Variants in ROBO1 observed in about 807,000 individuals in gnomAD.
ROBO1 encodes roundabout homolog 1.
A neutral mutation model predicts 195.9 loss-of-function variants in ROBO1; 149 were observed. That is an observed-to-expected ratio of 0.76 (90% confidence interval 0.67 to 0.87). The LOEUF (loss-of-function observed/expected upper bound fraction) is 0.87. Ranked by LOEUF, ROBO1 falls within the 40% of genes least tolerant of loss-of-function variation. The pLI, the probability that ROBO1 is intolerant of heterozygous loss-of-function variation, is 0.00. For missense variants in ROBO1, 1,933 were observed against 2,068.3 expected, an observed-to-expected ratio of 0.93 and a Z score of 1.27; for synonymous variants, 816 against 733.2, an observed-to-expected ratio of 1.11 and a Z score of -1.82.
At chr3:79,755,293 G>T (rs1423082265) in intron 1 of ROBO1, among the ~76,000 whole-genome samples, 1 of 152,042 alleles carries the variant, frequency 6.6e-6, no homozygotes, top group East Asian at 1.9e-4. Context: ...AGATAATCAA[G>T]ATCTTCTTTC....
intron 1 of ROBO1, among the ~76,000 whole-genome samples, chr3:79,677,083 GT>G (rs1946805083): frequency 6.6e-6 from 1 of 151,960 alleles, no homozygotes; most frequent in Non-Finnish European, 1.5e-5. Context: ...CCAACTCTTG[GT>G]GTTAAAACTT....
chr3:79,347,901 A>G (rs2035185826), intron 2 of ROBO1, among the ~76,000 whole-genome samples: 1 of 152,182 alleles, frequency 6.6e-6, no homozygotes, highest in African/African-American at 2.4e-5. Context: ...CAAATGTAGT[A>G]CCGTATTATG....
At chr3:79,396,781 T>A (rs1384863978) in intron 2 of ROBO1, among the ~76,000 whole-genome samples, 1 of 152,154 alleles carries the variant, frequency 6.6e-6, no homozygotes, top group Non-Finnish European at 1.5e-5. Flanking sequence ...TACTTGGCCA[T>A]GGTAAACCAT....
intron 2 of ROBO1, among the ~76,000 whole-genome samples, chr3:79,532,765 C>A (rs536588877): frequency 6.6e-6 from 1 of 152,034 alleles, no homozygotes; most frequent in Non-Finnish European, 1.5e-5. Flanking sequence ...AGAGATAGAG[C>A]GAGGGAAGCA....
intron 1 of ROBO1, among the ~76,000 whole-genome samples, chr3:79,723,457 G>T (rs1702785218): frequency 6.6e-6 from 1 of 152,098 alleles, no homozygotes; most frequent in Non-Finnish European, 1.5e-5. Flanking sequence ...AAGATGATTA[G>T]ATGCACTTCA....
At chr3:79,263,568 CAGG>C (rs909264570) in intron 2 of ROBO1, among the ~76,000 whole-genome samples, 1 of 151,896 alleles carries the variant, frequency 6.6e-6, no homozygotes, top group Admixed American at 6.6e-5. Context: ...TGCTTGAGCC[CAGG>C]AGTTTAAGGC....
At chr3:78,963,319 T>C (rs1317725698) in intron 3 of ROBO1, among the ~76,000 whole-genome samples, 3 of 151,598 alleles carry the variant, frequency 2.0e-5, no homozygotes, top group Non-Finnish European at 4.4e-5. Context: ...CAATCAAAAG[T>C]TAAGTGAAGT....
chr3:78,847,419 A>G (rs994524531), intron 4 of ROBO1, among the ~76,000 whole-genome samples: 2 of 152,120 alleles, frequency 1.3e-5, no homozygotes, highest in African/African-American at 4.8e-5. Context: ...CGTGGAGATT[A>G]GTTCCGCCAG....
intron 1 of ROBO1, among the ~76,000 whole-genome samples, chr3:79,664,698 C>T (rs1255844339): frequency 3.3e-5 from 5 of 151,980 alleles, no homozygotes; most frequent in African/African-American, 7.2e-5. Context: ...CATTCATTTA[C>T]GGTGCTTGTT....
intron 3 of ROBO1, among the ~76,000 whole-genome samples, chr3:78,979,841 ACG>A (rs2076955438): frequency 6.6e-6 from 1 of 151,382 alleles, no homozygotes. Context: ...ACACACACAC[ACG>A]AGATCTACTT....
At chr3:78,955,942 T>A (rs1250125148) in intron 3 of ROBO1, among the ~76,000 whole-genome samples, 1 of 152,164 alleles carries the variant, frequency 6.6e-6, no homozygotes, top group East Asian at 1.9e-4. Context: ...CTAATTGTAT[T>A]CTTTCTCTCC....
At chr3:79,556,918 T>G (rs377492852) in intron 2 of ROBO1, among the ~76,000 whole-genome samples, 2 of 151,280 alleles carry the variant, frequency 1.3e-5, no homozygotes, top group East Asian at 1.9e-4. Flanking sequence ...AAATAAAAAT[T>G]TTTTACTTTA....
rs55894934 is a variant in ROBO1, at chr3:78,636,935, T to TTATATATATATATA, written c.3038-841_3038-828dup. On this transcript the variant is annotated intron_variant, in intron 22 of 30. Coordinates refer to ENST00000464233, the MANE Select transcript of ROBO1 (RefSeq NM_002941.4). ...TACATACATAATATATACATTCATT[T>TTATATATATATATA]TATATATATATATATATATATATAT... Among the ~76,000 whole-genome samples the TTATATATATATATA allele has an allele frequency of 2.7e-3, 261 of 96,656 alleles. 3 individuals are homozygous for TTATATATATATATA. The highest frequency in any genetic ancestry group is 4.1e-3 in the South Asian group (9 of 2,204). 63.4% of individuals were successfully genotyped at this position (96,656 alleles called of 152,430 possible). A position where few individuals can be genotyped will look rare whatever the true frequency, so the allele number is the denominator to read the frequency against.
intron 3 of ROBO1, among the ~76,000 whole-genome samples, chr3:78,997,703 G>A (rs535370610): frequency 6.6e-6 from 1 of 152,278 alleles, no homozygotes; most frequent in African/African-American, 2.4e-5. Context: ...CACAGAAGGG[G>A]CCAACTCACC....
intron 2 of ROBO1, among the ~76,000 whole-genome samples, chr3:79,442,637 G>A (rs574197808): frequency 3.3e-5 from 5 of 151,986 alleles, no homozygotes; most frequent in African/African-American, 1.2e-4. Context: ...AGAATGGAAG[G>A]TGCCTCAGTT....
At chr3:78,712,031 A>C (rs978230659) in intron 8 of ROBO1, among the ~76,000 whole-genome samples, 10 of 141,936 alleles carry the variant, frequency 7.0e-5, no homozygotes, top group South Asian at 2.3e-4. Context: ...AAAAAAAAAA[A>C]AAAAAAAAAA....
intron 27 of ROBO1, 110 bp from the exon 28 acceptor site, chr3:78,614,910 A>G: frequency 9.0e-7 from 1 of 1,116,942 alleles, no homozygotes; most frequent in Non-Finnish European, 1.2e-6. Flanking sequence ...AATTTTTCTG[A>G]AAAGCAACAA....
intron 4 of ROBO1, among the ~76,000 whole-genome samples, chr3:78,872,320 C>CGTGCT (rs1559947523): frequency 6.6e-6 from 1 of 152,134 alleles, no homozygotes; most frequent in East Asian, 1.9e-4. Context: ...GAACTGCCTG[C>CGTGCT]GTGCTTTGAT....
chr3:78,723,582 C>T (rs1266348459), intron 5 of ROBO1, among the ~76,000 whole-genome samples: 1 of 152,084 alleles, frequency 6.6e-6, no homozygotes, highest in Admixed American at 6.6e-5. Context: ...TTAATGGAGG[C>T]AATCACCCTT....
Sources: allele counts gnomAD v4.1 joint callset (sites outside exome capture counted in the v4.1 genomes callset), GRCh38; gene constraint gnomAD v4.1.1; transcripts MANE v1.5; gene names NCBI Gene and HGNC (gene_info 2026-07-23, HGNC 2026-07-21).